AXDND1: variants seen among roughly 807,000 people sequenced by gnomAD.
AXDND1 encodes axonemal dynein light chain domain-containing protein 1.
Under a neutral mutation model 137.5 loss-of-function variants are expected in AXDND1, and 110 were observed. The ratio of observed to expected loss-of-function variants is 0.80; its 90% CI spans 0.69 to 0.94. The LOEUF (loss-of-function observed/expected upper bound fraction) is 0.94, where lower values mean the gene tolerates loss of function less well. AXDND1 is among the 40% of genes least tolerant of loss of function. The pLI is 0.00. For synonymous variants in AXDND1, 414 were observed against 399.7 expected (o/e 1.04, Z -0.43); for missense variants, 1,191 against 1,169.8 (o/e 1.02, Z -0.26).
intron 2 of AXDND1, among the ~76,000 whole-genome samples, chr1:179,366,817 C>A (rs11804234): frequency 0.58 from 87,759 of 151,854 alleles, 25,471 homozygotes; most frequent in African/African-American, 0.65. Context: ...ACAGTTTATA[C>A]TTTTTTTCAA....
intron 25 of AXDND1, among the ~76,000 whole-genome samples, chr1:179,550,055 T>G (rs1281268959): frequency 6.6e-6 from 1 of 152,214 alleles, no homozygotes; most frequent in African/African-American, 2.4e-5. Flanking sequence ...GCCATTTGGA[T>G]TCCACATTTG....
intron 12 of AXDND1, among the ~76,000 whole-genome samples, chr1:179,419,419 C>A (rs56117681): frequency 1.4e-5 from 2 of 147,138 alleles, no homozygotes; most frequent in East Asian, 4.1e-4. Flanking sequence ...GGAGACCAGC[C>A]CGGCCAACAC....
chr1:179,459,782 A>C (rs71630221), intron 16 of AXDND1, among the ~76,000 whole-genome samples: 30,813 of 83,412 alleles, frequency 0.37, 3,873 homozygotes, highest in African/African-American at 0.47. Context: ...CTTTTTCTTT[A>C]TTTTCTTTCT....
At chr1:179,420,423 G>A (rs150755554) in intron 12 of AXDND1, among the ~76,000 whole-genome samples, 25 of 152,096 alleles carry the variant, frequency 1.6e-4, no homozygotes, top group African/African-American at 4.6e-4. Context: ...TTGTGTTCTT[G>A]TCTGGTTTTG....
At chr1:179,487,300 C>T (rs1415289504) in intron 18 of AXDND1, among the ~76,000 whole-genome samples, 1 of 148,412 alleles carries the variant, frequency 6.7e-6, no homozygotes, top group Non-Finnish European at 1.5e-5. Flanking sequence ...AAACACTGGC[C>T]ACTAAACGTT....
chr1:179,376,551 C>T (rs966207945), intron 4 of AXDND1, among the ~76,000 whole-genome samples: 1 of 152,280 alleles, frequency 6.6e-6, no homozygotes, highest in Non-Finnish European at 1.5e-5. Flanking sequence ...ATATGCTGTT[C>T]TCTACACTTT....
chr1:179,394,238 C>A (rs888283516), intron 10 of AXDND1, among the ~76,000 whole-genome samples, 195 bp downstream of exon 10: 1 of 152,146 alleles, frequency 6.6e-6, no homozygotes, highest in African/African-American at 2.4e-5. Context: ...TGCAAGTTCA[C>A]ATAAAAATGA....
At position 179,368,979 on chromosome 1, in the gene AXDND1, A is replaced by G; in HGVS notation, c.270+7A>G. On this transcript the variant is annotated splice_region_variant and intron_variant, in intron 3 of 25. Coordinates refer to ENST00000367618, the MANE Select transcript of AXDND1 (RefSeq NM_144696.6). ...GAAAATTAAAACCCCAAAGGTTTGT[A>G]TGTACATATGTAGAGTAATGGGGAA... is the stretch of plus-strand genomic sequence containing the variant. 1 of 1,595,508 alleles carries G rather than the reference A, an allele frequency of 6.3e-7. No individual in the cohort carries two copies. Among genetic ancestry groups the G allele is most frequent in the Non-Finnish European group, 8.6e-7 (1 of 1,166,946 alleles).
At position 179,492,964 on chromosome 1, in the gene AXDND1, T is replaced by A; in HGVS notation, c.2388+13T>A. 1 of 1,538,244 alleles carries A rather than the reference T, an allele frequency of 6.5e-7. No homozygotes were observed. The highest frequency in any genetic ancestry group is 2.3e-5 in the East Asian group (1 of 43,916). On this transcript the variant is annotated intron_variant, in intron 20 of 25. Coordinates refer to ENST00000367618, the MANE Select transcript of AXDND1 (RefSeq NM_144696.6). ...GGATAAGTTGAAGGTAATAACTCTG[T>A]CTTCCCCTTAGTTTTGTTTTTGTTT... is the stretch of plus-strand genomic sequence containing the variant.
At chr1:179,469,450 T>G (rs1268080302) in intron 17 of AXDND1, among the ~76,000 whole-genome samples, 19 of 152,358 alleles carry the variant, frequency 1.2e-4, no homozygotes, top group Non-Finnish European at 2.5e-4. Flanking sequence ...TTGGCCTTAA[T>G]GAGTAATGTT....
intron 8 of AXDND1, among the ~76,000 whole-genome samples, chr1:179,384,290 A>G: frequency 6.6e-6 from 1 of 152,128 alleles, no homozygotes; most frequent in East Asian, 1.9e-4. Context: ...GTTCTGAACC[A>G]TTTAGAGTGA....
chr1:179,479,414 G>A (rs1278970143), intron 17 of AXDND1, among the ~76,000 whole-genome samples: 1 of 150,244 alleles, frequency 6.7e-6, no homozygotes, highest in Admixed American at 6.7e-5. Flanking sequence ...GGCGGAGATT[G>A]TGGTGAGCTG....
chr1:179,483,345 A>G (rs1205678292), intron 18 of AXDND1, 124 bp downstream of exon 18: 81 of 533,716 alleles, frequency 1.5e-4, no homozygotes, highest in Non-Finnish European at 3.0e-5. Context: ...AGAAGCTTGT[A>G]TAATAATTTC....
In AXDND1 at chr1:179,393,992, G is replaced by T. The variant is rs200125774; in HGVS notation, c.953G>T (p.Arg318Leu). The change falls in exon 10 of 26, where the codon CGC (arginine) becomes CTC (leucine). Residue 318 changes from arginine to leucine, a missense_variant. Transcript: ENST00000367618. ...GTAACTCAGCGAGTGATGGACCAGC[G>T]CATTTTAGAAGAATTGTATAATTTC... is the stretch of plus-strand genomic sequence containing the variant. The part of the protein sequence containing the change: ...DLVTQRVMDQ[R>L]ILEELYNFKH... 1 of 1,610,126 alleles carries T rather than the reference G, an allele frequency of 6.2e-7. No individual in the cohort carries two copies. The highest frequency in any genetic ancestry group is 2.2e-5 in the East Asian group (1 of 44,530).
intron 20 of AXDND1, among the ~76,000 whole-genome samples, chr1:179,499,392 T>C (rs1051531839): frequency 2.0e-5 from 3 of 152,066 alleles, no homozygotes; most frequent in Admixed American, 2.0e-4. Flanking sequence ...AAAGACCTCA[T>C]ATTGTATTAT....
chr1:179,427,297 G>T (rs1201021618), intron 12 of AXDND1, among the ~76,000 whole-genome samples: 3 of 152,172 alleles, frequency 2.0e-5, no homozygotes, highest in Non-Finnish European at 2.9e-5. Flanking sequence ...GAATGTTAGG[G>T]TTGGGTGAGC....
At chr1:179,476,752 T>A (rs916662390) in intron 17 of AXDND1, among the ~76,000 whole-genome samples, 6 of 152,208 alleles carry the variant, frequency 3.9e-5, no homozygotes, top group Non-Finnish European at 1.5e-5. Context: ...GTAAGTGATG[T>A]GTTGTTTTTC....
intron 22 of AXDND1, among the ~76,000 whole-genome samples, chr1:179,527,095 C>A (rs1385863965): frequency 6.6e-6 from 1 of 152,204 alleles, no homozygotes; most frequent in Non-Finnish European, 1.5e-5. Flanking sequence ...AAAAGAACAG[C>A]TACTCCATAG....
intron 4 of AXDND1, among the ~76,000 whole-genome samples, chr1:179,373,057 A>G (rs1668205351): frequency 6.6e-6 from 1 of 152,204 alleles, no homozygotes; most frequent in South Asian, 2.1e-4. Flanking sequence ...TCAATAACAC[A>G]ATCACCTCTT....
Sources: gnomAD v4.1 joint callset for allele counts (sites outside exome capture counted in the v4.1 genomes callset) on GRCh38, gnomAD v4.1.1 for gene constraint, MANE v1.5 for transcripts, NCBI Gene and HGNC (gene_info 2026-07-23, HGNC 2026-07-21) for gene names.